TMEM87A: variants seen among roughly 807,000 people sequenced by gnomAD.
The protein encoded by TMEM87A is transmembrane protein 87A, also known as Golgi-pH regulating cation channel.
In TMEM87A, 50 loss-of-function variants were observed where a neutral mutation model predicts 90.0. The ratio of observed to expected loss-of-function variants is 0.56; its 90% CI spans 0.44 to 0.70. TMEM87A has a LOEUF of 0.70. Ranked by LOEUF, TMEM87A falls within the 30% of genes least tolerant of loss-of-function variation. The pLI, the probability that TMEM87A is intolerant of heterozygous loss-of-function variation, is 0.00. For synonymous variants in TMEM87A, 226 were observed against 226.7 expected, an observed-to-expected ratio of 1.00 and a Z score of 0.03; for missense variants, 577 against 660.5, an observed-to-expected ratio of 0.87 and a Z score of 1.39.
At chr15:42,248,347 C>T (rs1193265241) in intron 6 of TMEM87A, among the ~76,000 whole-genome samples, 2 of 152,152 alleles carry the variant, frequency 1.3e-5, no homozygotes, top group Non-Finnish European at 2.9e-5. Flanking sequence ...GAGAGGACAT[C>T]CCTGTCTTCT....
At chr15:42,252,712 G>GT (rs768805340) in intron 6 of TMEM87A, among the ~76,000 whole-genome samples, 65 of 151,752 alleles carry the variant, frequency 4.3e-4, no homozygotes, top group Admixed American at 9.9e-4. Context: ...TTCATCCATG[G>GT]TTTTTTTATT....
intron 7 of TMEM87A, 105 bp downstream of exon 7, chr15:42,243,945 A>G (rs1199072560): frequency 3.3e-6 from 2 of 601,756 alleles, no homozygotes; most frequent in Non-Finnish European, 5.4e-6. Context: ...AAATGAAGGA[A>G]ATAGAAATCT....
chr15:42,273,228 T>G (rs1026020507), intron 1 of TMEM87A, 27 bp downstream of exon 1: 23 of 1,613,646 alleles, frequency 1.4e-5, no homozygotes, highest in Non-Finnish European at 1.8e-5. Flanking sequence ...TCCTCTAGGT[T>G]CAGACGTTAG....
intron 1 of TMEM87A, 91 bp downstream of exon 1, chr15:42,273,164 G>A: frequency 3.3e-6 from 5 of 1,517,894 alleles, no homozygotes; most frequent in Non-Finnish European, 9.0e-7. Context: ...CTTTTGAAGA[G>A]ACTTTTGCGG....
intron 6 of TMEM87A, chr15:42,258,354 T>C: frequency 1.5e-6 from 1 of 677,548 alleles, no homozygotes; most frequent in Middle Eastern, 7.6e-4. Flanking sequence ...TATTTTCTTC[T>C]TTTCATTTAT....
chr15:42,262,150 C>T (rs2051307662), intron 4 of TMEM87A: 1 of 152,196 alleles, frequency 6.6e-6, no homozygotes, highest in South Asian at 2.1e-4. Context: ...GGAAAGATTA[C>T]AGCACATCTA....
At chr15:42,230,400 T>C (rs1447043199) in intron 12 of TMEM87A, among the ~76,000 whole-genome samples, 1 of 152,168 alleles carries the variant, frequency 6.6e-6, no homozygotes, top group East Asian at 1.9e-4. Context: ...ACATTCACAG[T>C]TTTTCAACAG....
intron 10 of TMEM87A, among the ~76,000 whole-genome samples, chr15:42,233,981 C>T (rs1357433730): frequency 1.3e-5 from 2 of 151,042 alleles, no homozygotes; most frequent in African/African-American, 4.9e-5. Context: ...AAGGTCTCAC[C>T]GTGTTGCCCA....
intron 3 of TMEM87A, among the ~76,000 whole-genome samples, chr15:42,266,515 C>CA (rs55840677): frequency 0.91 from 129,005 of 141,692 alleles, 59,191 homozygotes; most frequent in Non-Finnish European, 0.99. Flanking sequence ...GACTCCATCT[C>CA]AAAAAAAAAA....
intron 2 of TMEM87A, among the ~76,000 whole-genome samples, chr15:42,268,901 T>C (rs1240937197): frequency 2.0e-5 from 3 of 152,074 alleles, no homozygotes; most frequent in Admixed American, 6.5e-5. Flanking sequence ...GAGAGCAAAA[T>C]TGCTATCTCA....
chr15:42,258,000 A>G, intron 6 of TMEM87A: 2 of 974,224 alleles, frequency 2.1e-6, no homozygotes, highest in Non-Finnish European at 2.4e-6. Context: ...ATCCCAATAT[A>G]CAATTCTTCT....
chr15:42,217,511 AG>A (rs2050402785), intron 19 of TMEM87A, among the ~76,000 whole-genome samples: 2 of 152,340 alleles, frequency 1.3e-5, no homozygotes, highest in South Asian at 4.1e-4. Flanking sequence ...TACAGACAAA[AG>A]AACTAGATGG....
At chr15:42,260,853 T>C in intron 6 of TMEM87A, 105 bp downstream of exon 6, 1 of 1,292,746 alleles carries the variant, frequency 7.7e-7, no homozygotes. Flanking sequence ...CAGATTTAAC[T>C]TTCTTTTCAA....
At chr15:42,243,042 G>A (rs745549952) in intron 7 of TMEM87A, among the ~76,000 whole-genome samples, 47 of 152,086 alleles carry the variant, frequency 3.1e-4, no homozygotes, top group African/African-American at 1.0e-3. Context: ...CAAGGCAGGC[G>A]GATCACAAGG....
In TMEM87A at chr15:42,211,372, A is replaced by G. The variant is rs2050283456; in HGVS notation, c.*336T>C. 4.9e-6 allele frequency: 1 copy of G among 204,684 alleles called. No individual in the cohort carries two copies. The highest frequency in any genetic ancestry group is 1.4e-4 in the South Asian group (1 of 7,298). The allele number at this position is 204,684 out of a possible 1,614,324, so 12.7% of individuals were successfully genotyped here. ...ATGACAATCTTTTAGAAGACGTTAA[A>G]CTTTTTAGTTTGTCAGATTTAAAAA... On this transcript the variant is annotated 3_prime_UTR_variant, in exon 20 of 20. Transcript: ENST00000389834.
Position 42,228,830 on chromosome 15 carries a change from G to A in TMEM87A, c.1132-10C>T, listed in dbSNP as rs768949008. ...TCAGGCTAATAAATATGTGTTTGCAGGTCAAGGAATTCAACATTCAGGAAA... is the reference window on the plus strand; with the variant it reads ...TCAGGCTAATAAATATGTGTTTGCAAGTCAAGGAATTCAACATTCAGGAAA... On this transcript the variant is annotated splice_polypyrimidine_tract_variant and intron_variant, in intron 12 of 19. Transcript: ENST00000389834. The A allele has an allele frequency of 6.5e-7, 1 of 1,549,766 alleles. No homozygotes were observed. The highest frequency in any genetic ancestry group is 2.0e-5 in the Admixed American group (1 of 49,010).
At chr15:42,245,724 G>A (rs1287811092) in intron 6 of TMEM87A, among the ~76,000 whole-genome samples, 1 of 151,658 alleles carries the variant, frequency 6.6e-6, no homozygotes, top group African/African-American at 2.4e-5. Context: ...TAGAGACGGG[G>A]TTTCGCCATG....
chr15:42,260,717 TG>T (rs377028855), intron 6 of TMEM87A, among the ~76,000 whole-genome samples: 156 of 152,312 alleles, frequency 1.0e-3, no homozygotes, highest in South Asian at 2.5e-3. Context: ...CAGATATTTA[TG>T]GGGGGATAAT....
intron 17 of TMEM87A, among the ~76,000 whole-genome samples, 157 bp downstream of exon 17, chr15:42,219,424 T>C (rs963753663): frequency 6.6e-6 from 1 of 152,194 alleles, no homozygotes; most frequent in Non-Finnish European, 1.5e-5. Context: ...CACTTCTCTA[T>C]TTTTGCTTTG....
Sources: gnomAD v4.1 joint callset for allele counts (sites outside exome capture counted in the v4.1 genomes callset) on GRCh38, gnomAD v4.1.1 for gene constraint, MANE v1.5 for transcripts, NCBI Gene and HGNC (gene_info 2026-07-23, HGNC 2026-07-21) for gene names.